The following GCLC variants were observed in gnomAD, a reference collection of about 807,000 sequenced individuals.
GCLC encodes glutamate--cysteine ligase catalytic subunit.
GCLC carries 30 observed loss-of-function variants against 81.5 expected under a neutral mutation model. That is an observed-to-expected ratio of 0.37 (90% CI 0.28 to 0.50). The LOEUF (loss-of-function observed/expected upper bound fraction) is 0.50. Among genes scored for constraint, GCLC ranks in the 20% least tolerant of loss-of-function variants. The pLI, the probability that GCLC is intolerant of heterozygous loss-of-function variation, is 0.96. For synonymous variants in GCLC, 262 were observed against 273.3 expected, an observed-to-expected ratio of 0.96 and a Z score of 0.41; for missense variants, 556 against 777.4, an observed-to-expected ratio of 0.72 and a Z score of 3.39.
intron 1 of GCLC, among the ~76,000 whole-genome samples, chr6:53,527,713 G>A (rs776193909): frequency 6.6e-6 from 1 of 152,128 alleles, no homozygotes; most frequent in Admixed American, 6.5e-5. Context: ...AGTCTAAGCC[G>A]GTCTAGAAGA....
At chr6:53,543,261 G>A (rs1270369340) in intron 1 of GCLC, among the ~76,000 whole-genome samples, 1 of 152,178 alleles carries the variant, frequency 6.6e-6, no homozygotes. Context: ...GGCAGATGCT[G>A]TAAAGAAACT....
Position 53,508,470 on chromosome 6 carries a change from G to C in GCLC, c.945+125C>G. The C allele has an allele frequency of 3.9e-6, 3 of 765,762 alleles. No individual in the cohort carries two copies. The South Asian group carries it at 4.1e-5, about 10-fold the overall frequency. The allele number at this position is 765,762 out of a possible 1,614,324, so 47.4% of individuals were successfully genotyped here. On this transcript the variant is annotated intron_variant, in intron 8 of 15. Coordinates refer to ENST00000650454, the MANE Select transcript of GCLC (RefSeq NM_001498.4). The stretch of plus-strand genomic sequence containing the variant: ...ACGATAAAAATTAACTCCCCACCTA[G>C]ACCAAATCTTTTTCCCCATTTCAGA...
At chr6:53,504,401 A>T (rs1287296381) in intron 12 of GCLC, among the ~76,000 whole-genome samples, 1 of 152,220 alleles carries the variant, frequency 6.6e-6, no homozygotes, top group Non-Finnish European at 1.5e-5. Flanking sequence ...TTGCAAGACC[A>T]GTAGGCCCTT....
chr6:53,523,008 C>T (rs1227056718), intron 1 of GCLC, among the ~76,000 whole-genome samples: 2 of 152,184 alleles, frequency 1.3e-5, no homozygotes. Flanking sequence ...CACTACCAGT[C>T]CCACTTTTGG....
chr6:53,531,013 G>A (rs1358654189), intron 1 of GCLC, among the ~76,000 whole-genome samples: 1 of 152,144 alleles, frequency 6.6e-6, no homozygotes, highest in Non-Finnish European at 1.5e-5. Flanking sequence ...TTGAATCTTG[G>A]TAACTTCTCG....
chr6:53,521,114 T>A (rs1276855910), intron 2 of GCLC, among the ~76,000 whole-genome samples, 154 bp from the exon 3 acceptor site: 2 of 152,222 alleles, frequency 1.3e-5, no homozygotes. Flanking sequence ...TACTTTTCCA[T>A]AGCTATTCAA....
chr6:53,504,780 C>T (rs1207411455), intron 12 of GCLC, among the ~76,000 whole-genome samples: 3 of 152,154 alleles, frequency 2.0e-5, no homozygotes, highest in South Asian at 4.1e-4. Flanking sequence ...CATTCTCTGG[C>T]CCCGAAACCC....
At position 53,509,181 on chromosome 6, in the gene GCLC, T is replaced by C. The variant is rs1185435875; in HGVS notation, c.823A>G (p.Ile275Val). 6.4e-7 allele frequency: 1 copy of C among 1,561,348 alleles called. No individual in the cohort carries two copies. Among genetic ancestry groups the C allele is most frequent in the East Asian group, 2.2e-5 (1 of 44,650 alleles). The change falls in exon 7 of 16, where the codon ATT becomes GTT. Residue 275 changes from isoleucine (I) to valine (V), a missense_variant. By Grantham distance (29) the Ile-to-Val change is conservative. Around this residue, in one of 3 missense-constraint regions of GCLC, gnomAD observed 313 missense variants for 437.3 expected, o/e 0.72. Coordinates refer to ENST00000650454, the MANE Select transcript of GCLC (RefSeq NM_001498.4). Reference protein sequence around the residue: ...LYDQLATICPIVMALSAASPF... With the variant: ...LYDQLATICPVVMALSAASPF... Reference sequence around the variant, plus strand: ...AAGAGGTAATTTCTACTTACAACAATTGGACAGATAGTAGCCAACTGATCA... The same window carrying C: ...AAGAGGTAATTTCTACTTACAACAACTGGACAGATAGTAGCCAACTGATCA...
chr6:53,532,370 T>C (rs1254363310), intron 1 of GCLC, among the ~76,000 whole-genome samples: 4 of 152,218 alleles, frequency 2.6e-5, no homozygotes, highest in South Asian at 4.1e-4. Flanking sequence ...GCAGGAACTA[T>C]GTATAAAGCG....
rs570857448 is a variant in GCLC, at chr6:53,507,268, A to G, written c.1084+212T>C. Among the ~76,000 whole-genome samples the G allele has an allele frequency of 9.2e-5, 14 of 152,246 alleles. 1 individual carries two copies. The South Asian group carries it at 2.7e-3, about 29-fold the overall frequency. On this transcript the variant is annotated intron_variant, in intron 9 of 15. Transcript: ENST00000650454. ...GGGGCACTGGTGTGGACCTAGACAC[A>G]GACCTCCAAAGTAAGCTCCTTTTGC...
rs202143387 is a variant in GCLC, at chr6:53,507,004, T to C, written c.1106A>G (p.Gln369Arg). 1.9e-6 allele frequency: 3 copies of C among 1,608,008 alleles called. No individual in the cohort carries two copies. Among genetic ancestry groups the C allele is most frequent in the Non-Finnish European group, 1.7e-6 (2 of 1,174,464 alleles). Residue 369 changes from glutamine (Q) to arginine (R), a missense_variant, in exon 10 of 16, where the codon CAG becomes CGG. Coordinates refer to ENST00000650454, the MANE Select transcript of GCLC (RefSeq NM_001498.4). ...LQEGIDHLLA[Q>R]HVAHLFIRDP... is the part of the protein sequence containing the mutation. Reference sequence around the variant, plus strand: ...TCTAATAAAGAGATGAGCAACATGCTGGGCCAGGAGATGATCAATGCCTGC... The same window carrying C: ...TCTAATAAAGAGATGAGCAACATGCCGGGCCAGGAGATGATCAATGCCTGC...
intron 1 of GCLC, among the ~76,000 whole-genome samples, chr6:53,533,797 CTTT>C (rs558357229): frequency 2.8e-5 from 4 of 141,838 alleles, no homozygotes; most frequent in African/African-American, 2.6e-5. Flanking sequence ...TTTTTCTTTT[CTTT>C]TTTTTTTTTT....
At chr6:53,508,819 A>T in intron 7 of GCLC, 108 bp from the exon 8 acceptor site, 1 of 732,800 alleles carries the variant, frequency 1.4e-6, no homozygotes. Context: ...TATGCAACCC[A>T]TACAGAGCAC....
chr6:53,531,974 A>G (rs192825739), intron 1 of GCLC, among the ~76,000 whole-genome samples: 10 of 152,372 alleles, frequency 6.6e-5, no homozygotes, highest in African/African-American at 2.4e-4. Context: ...AACTCTTAGT[A>G]TAAGACCATC....
intron 3 of GCLC, among the ~76,000 whole-genome samples, chr6:53,520,269 C>T (rs1367630036): frequency 2.0e-5 from 3 of 152,328 alleles, no homozygotes; most frequent in East Asian, 3.9e-4. Flanking sequence ...TAATGACTCA[C>T]GTTGTTCATA....
chr6:53,507,743 A>G, intron 8 of GCLC, 125 bp from the exon 9 acceptor site: 3 of 433,576 alleles, frequency 6.9e-6, no homozygotes, highest in Non-Finnish European at 1.2e-5. Context: ...AGCCCTAAAA[A>G]GTATTATTAA....
intron 12 of GCLC, among the ~76,000 whole-genome samples, chr6:53,502,517 G>T (rs1764533101): frequency 1.3e-5 from 2 of 152,186 alleles, no homozygotes; most frequent in Non-Finnish European, 2.9e-5. Context: ...ACATTTCATG[G>T]TACAAAAAGG....
intron 6 of GCLC, chr6:53,510,440 A>G (rs1764714521): frequency 6.8e-6 from 1 of 146,762 alleles, no homozygotes; most frequent in African/African-American, 2.6e-5. Context: ...TTGTTACCCA[A>G]CAGAAACCAA....
chr6:53,514,623 C>T (rs1456954696), intron 4 of GCLC, 126 bp from the exon 5 acceptor site: 2 of 770,578 alleles, frequency 2.6e-6, no homozygotes, highest in Non-Finnish European at 4.7e-6. Context: ...GACAACTCAA[C>T]AGAAAATGTA....
Sources: allele counts gnomAD v4.1 joint callset (sites outside exome capture counted in the v4.1 genomes callset), GRCh38; gene constraint gnomAD v4.1.1; regional missense constraint gnomAD v4.1.1; transcripts MANE v1.5; gene names NCBI Gene and HGNC (gene_info 2026-07-23, HGNC 2026-07-21).